The following AARS1 variants were observed in gnomAD, a reference collection of about 807,000 sequenced individuals.
The protein encoded by AARS1 is alanyl-tRNA synthetase 1, also known as alanine--tRNA ligase, cytoplasmic.
Under a neutral mutation model 108.9 loss-of-function variants are expected in AARS1, and 72 were observed. That is an observed-to-expected ratio of 0.66 (90% CI 0.55 to 0.80). The LOEUF is 0.80. Ranked by LOEUF, AARS1 falls within the 30% of genes least tolerant of loss-of-function variation. The pLI is 0.00. For synonymous variants in AARS1, 489 were observed against 465.7 expected, an observed-to-expected ratio of 1.05 and a Z score of -0.64; for missense variants, 1,193 against 1,233.2, an observed-to-expected ratio of 0.97 and a Z score of 0.49.
intron 4 of AARS1, among the ~76,000 whole-genome samples, chr16:70,274,626 A>G (rs1438680735): frequency 6.6e-6 from 1 of 151,428 alleles, no homozygotes; most frequent in East Asian, 1.9e-4. Context: ...CGGGAGGCTG[A>G]GGCAGGAGAA....
intron 10 of AARS1, 38 bp from the exon 11 acceptor site, chr16:70,265,140 T>C: frequency 3.1e-6 from 5 of 1,613,114 alleles, no homozygotes; most frequent in East Asian, 2.2e-5. Context: ...TACCGTAAAG[T>C]AGGAGAAAAG....
At chr16:70,265,884 T>C (rs950895444) in intron 9 of AARS1, among the ~76,000 whole-genome samples, 1 of 152,222 alleles carries the variant, frequency 6.6e-6, no homozygotes, top group Non-Finnish European at 1.5e-5. Flanking sequence ...TTTTGTTTTT[T>C]AAACCTCACC....
At chr16:70,269,517 G>C in intron 7 of AARS1, 101 bp downstream of exon 7, 4 of 1,535,370 alleles carry the variant, frequency 2.6e-6, no homozygotes, top group South Asian at 2.3e-5. Context: ...CTGGGCAACA[G>C]AGCAACACTC....
chr16:70,259,719 C>G (rs1960087711), intron 13 of AARS1, among the ~76,000 whole-genome samples: 1 of 151,936 alleles, frequency 6.6e-6, no homozygotes, highest in African/African-American at 2.4e-5. Context: ...CTCTTGGCCT[C>G]AAGCAATCCT....
chr16:70,269,632 G>C lies in AARS1; in HGVS notation c.948C>G (p.Asp316Glu). 2 of 1,614,112 alleles carry C rather than the reference G, an allele frequency of 1.2e-6. No homozygotes were observed. The highest frequency in any genetic ancestry group is 1.7e-6 in the Non-Finnish European group (2 of 1,180,034). ...AGCATACTTACCCACGCCCTGTGTT[G>C]TCAGGCCGGCCACCATCAGCCAGTG... ...TVALADGGRP[D>E]NTGRGYVLRR... is the part of the protein sequence containing the mutation. The change falls in exon 7 of 21, where the codon GAC (aspartate) becomes GAG (glutamate). Residue 316 changes from aspartate to glutamate, a missense_variant. Transcript: ENST00000261772.
intron 12 of AARS1, 103 bp downstream of exon 12, chr16:70,262,243 G>T: frequency 7.2e-7 from 1 of 1,390,394 alleles, no homozygotes; most frequent in Non-Finnish European, 1.0e-6. Context: ...ACCCAAAGGT[G>T]TGTCAGGTCT....
chr16:70,260,844 A>C lies in AARS1; in HGVS notation c.1785+200T>G, dbSNP rs565096853. 3.9e-4 allele frequency among the ~76,000 whole-genome samples: 59 copies of C among 152,100 alleles called. 1 individual carries two copies. Among genetic ancestry groups the C allele is most frequent in the Middle Eastern group, 3.4e-3 (1 of 294 alleles). ...CGCCCAGCTCATTTTTTATATTTTTAGTAGAGACGGGGTTTCACCGTGTTA... is the reference window on the plus strand; with the variant it reads ...CGCCCAGCTCATTTTTTATATTTTTCGTAGAGACGGGGTTTCACCGTGTTA... On this transcript the variant is annotated intron_variant, in intron 13 of 20. Transcript: ENST00000261772.
intron 9 of AARS1, 24 bp downstream of exon 9, chr16:70,267,635 A>C (rs1372602751): frequency 6.2e-7 from 1 of 1,614,116 alleles, no homozygotes; most frequent in East Asian, 2.2e-5. Flanking sequence ...GCCAGGATGG[A>C]GAAGGGCAAA....
At chr16:70,261,269 C>T (rs1387417975) in intron 12 of AARS1, 112 bp from the exon 13 acceptor site, 13 of 688,626 alleles carry the variant, frequency 1.9e-5, no homozygotes, top group Non-Finnish European at 3.3e-5. Flanking sequence ...ATGTAAATTG[C>T]ACACACACAC....
chr16:70,270,397 A>G (rs964153505), intron 5 of AARS1, 57 bp from the exon 6 acceptor site: 1 of 1,602,506 alleles, frequency 6.2e-7, no homozygotes, highest in Non-Finnish European at 8.6e-7. Context: ...CCACCTCTCC[A>G]GTCCCTGCTG....
intron 1 of AARS1, among the ~76,000 whole-genome samples, chr16:70,288,031 C>T (rs1960897899): frequency 1.3e-5 from 2 of 151,330 alleles, no homozygotes; most frequent in Admixed American, 1.3e-4. Context: ...TCCCAAAGTG[C>T]TGGGATTACA....
chr16:70,270,039 T>G (rs986822622), intron 6 of AARS1, among the ~76,000 whole-genome samples, 157 bp downstream of exon 6: 1 of 152,102 alleles, frequency 6.6e-6, no homozygotes, highest in Admixed American at 6.6e-5. Context: ...AGAACACCAA[T>G]TTGTGGAGCC....
chr16:70,257,777 A>C lies in AARS1; in HGVS notation c.2177+256T>G, dbSNP rs143984930. On this transcript the variant is annotated intron_variant, in intron 15 of 20. Coordinates refer to ENST00000261772, the MANE Select transcript of AARS1 (RefSeq NM_001605.3). ...TTCAGCCCAGCAAACAACAGCAAGC[A>C]ACTGTGTGGTAATGTGAATACAATG... 2.0e-5 allele frequency among the ~76,000 whole-genome samples: 3 copies of C among 152,336 alleles called. No individual in the cohort carries two copies. In the East Asian group the frequency reaches 5.8e-4, roughly 29 times the overall value.
chr16:70,252,783 G>A lies in AARS1; in HGVS notation c.2845C>T (p.Gln949Ter). Residue 949 changes from glutamine to a stop codon, truncating the protein, a stop_gained, in exon 21 of 21, where the codon CAG (glutamine) becomes TAG (stop). Coordinates refer to ENST00000261772, the MANE Select transcript of AARS1 (RefSeq NM_001605.3). LOFTEE classifies it high-confidence loss of function. ...GAAGTGGCCAGCTGCAGCGCCTCCT[G>A]CAGGCAGCCAACGTTCTTGCCTGTG... is the stretch of plus-strand genomic sequence containing the variant. ...QATGKNVGCL[Q>*]EALQLATSFA... 6.2e-7 allele frequency: 1 copy of A among 1,614,204 alleles called. No individual in the cohort carries two copies. Among genetic ancestry groups the A allele is most frequent in the Non-Finnish European group, 8.5e-7 (1 of 1,180,042 alleles).
At position 70,262,488 on chromosome 16, in the gene AARS1, C is replaced by A. The variant is rs202176955; in HGVS notation, c.1529G>T (p.Arg510Leu). 6.2e-7 allele frequency: 1 copy of A among 1,614,026 alleles called. No individual in the cohort carries two copies. The highest frequency in any genetic ancestry group is 8.5e-7 in the Non-Finnish European group (1 of 1,179,940). The change falls in exon 12 of 21, where the codon CGC becomes CTC. Residue 510 changes from arginine (R) to leucine (L), a missense_variant. Coordinates refer to ENST00000261772, the MANE Select transcript of AARS1 (RefSeq NM_001605.3). ...CTCTTCCACGAACATCTTCTCCCTG[C>A]GCAGAGCCATCACCGTAGCCACTGT... ...ENTVATVMAL[R>L]REKMFVEEVS...
chr16:70,266,241 G>A (rs1960259404), intron 9 of AARS1, among the ~76,000 whole-genome samples: 2 of 152,058 alleles, frequency 1.3e-5, no homozygotes, highest in South Asian at 4.2e-4. Context: ...GTGAACCCGG[G>A]AGGTGGAGCT....
intron 2 of AARS1, among the ~76,000 whole-genome samples, 173 bp downstream of exon 2, chr16:70,282,447 C>T (rs1960724097): frequency 1.3e-5 from 2 of 152,024 alleles, no homozygotes; most frequent in Non-Finnish European, 2.9e-5. Context: ...CCTACAGGCC[C>T]GCAATATTAT....
In AARS1 at chr16:70,257,974, T is replaced by C. The variant is rs1243421890; in HGVS notation, c.2177+59A>G. ...ACAAGAGTTGGTCCAGCCTAAGACCTACATCCTCAGAGGATGAAGGTAGAT... is the reference window on the plus strand; with the variant it reads ...ACAAGAGTTGGTCCAGCCTAAGACCCACATCCTCAGAGGATGAAGGTAGAT... On this transcript the variant is annotated intron_variant, in intron 15 of 20. Transcript: ENST00000261772. 2.7e-5 allele frequency: 43 copies of C among 1,594,006 alleles called. No individual in the cohort carries two copies. The Admixed American group carries it at 7.2e-4, about 27-fold the overall frequency.
chr16:70,264,901 A>G, intron 11 of AARS1, 57 bp downstream of exon 11: 1 of 1,609,332 alleles, frequency 6.2e-7, no homozygotes, highest in Admixed American at 1.7e-5. Flanking sequence ...CAATCTTTCA[A>G]ATACCCCCCA....
Sources: gnomAD v4.1 joint callset for allele counts (sites outside exome capture counted in the v4.1 genomes callset) on GRCh38, gnomAD v4.1.1 for gene constraint, MANE v1.5 for transcripts, NCBI Gene and HGNC (gene_info 2026-07-23, HGNC 2026-07-21) for gene names.